The following DPP10 variants were observed in gnomAD, a reference collection of about 807,000 sequenced individuals.
DPP10 encodes the protein inactive dipeptidyl peptidase 10.
A neutral mutation model predicts 120.9 loss-of-function variants in DPP10; 33 were observed. The ratio of observed to expected loss-of-function variants is 0.27; its 90% CI spans 0.21 to 0.37. The LOEUF is 0.37. Among genes scored for constraint, DPP10 ranks in the 10% least tolerant of loss-of-function variants. DPP10 has a pLI of 1.00. For synonymous variants in DPP10, 337 were observed against 326.1 expected, an observed-to-expected ratio of 1.03 and a Z score of -0.36; for missense variants, 816 against 942.8, an observed-to-expected ratio of 0.87 and a Z score of 1.76.
At position 115,766,474 on chromosome 2, in the gene DPP10, A is replaced by G. The variant is rs113577641; in HGVS notation, c.1114-1823A>G. ...TATGTACATATGTACATACATTCAT[A>G]TACATATTTTGCCATTAAGAGTAAT... is the stretch of plus-strand genomic sequence containing the variant. On this transcript the variant is annotated intron_variant, in intron 12 of 25. Coordinates refer to ENST00000410059, the MANE Select transcript of DPP10 (RefSeq NM_020868.6). 3.4e-3 allele frequency among the ~76,000 whole-genome samples: 520 copies of G among 151,542 alleles called. 3 individuals carry two copies. Among genetic ancestry groups the G allele is most frequent in the African/African-American group, 0.012 (491 of 41,346 alleles).
intron 1 of DPP10, among the ~76,000 whole-genome samples, chr2:114,484,429 T>C (rs912298269): frequency 6.6e-6 from 1 of 152,166 alleles, no homozygotes; most frequent in Non-Finnish European, 1.5e-5. Flanking sequence ...ATTAATCAGT[T>C]CTTACTATTA....
intron 3 of DPP10, among the ~76,000 whole-genome samples, chr2:115,415,615 T>C (rs767886410): frequency 8.6e-5 from 13 of 151,968 alleles, no homozygotes; most frequent in Non-Finnish European, 1.5e-4. Context: ...TACCAAGATT[T>C]CTATCAACTG....
intron 1 of DPP10, among the ~76,000 whole-genome samples, chr2:115,178,023 A>G (rs982085634): frequency 1.3e-5 from 2 of 152,184 alleles, no homozygotes; most frequent in Non-Finnish European, 2.9e-5. Context: ...TCGGCCTCCC[A>G]AAGTGACATT....
chr2:115,399,284 G>A (rs2067895612), intron 3 of DPP10, among the ~76,000 whole-genome samples: 1 of 151,990 alleles, frequency 6.6e-6, no homozygotes, highest in Non-Finnish European at 1.5e-5. Flanking sequence ...AGTATTGGGT[G>A]GATAATTATT....
chr2:115,461,687 A>C (rs843426), intron 3 of DPP10, among the ~76,000 whole-genome samples: 125,899 of 152,086 alleles, frequency 0.83, 55,179 homozygotes, highest in Non-Finnish European at 0.97. Context: ...TAAGGATTAG[A>C]AAATAAATAA....
At chr2:114,826,603 T>C (rs759951613) in intron 1 of DPP10, among the ~76,000 whole-genome samples, 15 of 152,146 alleles carry the variant, frequency 9.9e-5, no homozygotes, top group African/African-American at 2.4e-4. Flanking sequence ...TGACCTCAGC[T>C]CCCTGCAACC....
intron 1 of DPP10, among the ~76,000 whole-genome samples, chr2:114,557,636 T>C (rs1268789223): frequency 6.6e-6 from 1 of 152,118 alleles, no homozygotes; most frequent in Non-Finnish European, 1.5e-5. Context: ...TGTCCAGAGA[T>C]TGGAGAGTAG....
intron 11 of DPP10, among the ~76,000 whole-genome samples, chr2:115,757,119 A>G (rs1190824878): frequency 6.6e-6 from 1 of 152,016 alleles, no homozygotes; most frequent in Non-Finnish European, 1.5e-5. Flanking sequence ...CATTCTTTCT[A>G]AGGAGTATAT....
chr2:115,736,730 T>A (rs1676559438), intron 8 of DPP10, among the ~76,000 whole-genome samples: 1 of 152,158 alleles, frequency 6.6e-6, no homozygotes. Flanking sequence ...CCCTGAGAAG[T>A]GATCCTATGT....
At chr2:115,731,433 G>A (rs1037140657) in intron 8 of DPP10, among the ~76,000 whole-genome samples, 1 of 151,068 alleles carries the variant, frequency 6.6e-6, no homozygotes, top group African/African-American at 2.4e-5. Context: ...AAGCTGAGGT[G>A]GGAGGATCAC....
chr2:114,876,885 A>G (rs139119388), intron 1 of DPP10, among the ~76,000 whole-genome samples: 60 of 152,202 alleles, frequency 3.9e-4, no homozygotes, highest in African/African-American at 1.4e-3. Flanking sequence ...ATGAAGGAAA[A>G]ATATGACCCT....
chr2:115,226,074 T>C (rs2057420278), intron 1 of DPP10, among the ~76,000 whole-genome samples: 5 of 147,940 alleles, frequency 3.4e-5, no homozygotes. Flanking sequence ...ATTTTACTTA[T>C]ACTTTAACAT....
chr2:115,794,012 A>G (rs978923540), intron 19 of DPP10, among the ~76,000 whole-genome samples: 2 of 152,184 alleles, frequency 1.3e-5, no homozygotes, highest in Non-Finnish European at 1.5e-5. Flanking sequence ...ATTTAAAGCC[A>G]TATTTTTTCT....
intron 1 of DPP10, among the ~76,000 whole-genome samples, chr2:115,058,274 G>A (rs1189074884): frequency 3.2e-4 from 5 of 15,438 alleles, no homozygotes; most frequent in African/African-American, 1.5e-3. Flanking sequence ...ATCATAAAGG[G>A]ACAAAAAAAA....
At chr2:115,265,721 G>A (rs1181999875) in intron 1 of DPP10, among the ~76,000 whole-genome samples, 1 of 152,100 alleles carries the variant, frequency 6.6e-6, no homozygotes, top group Non-Finnish European at 1.5e-5. Context: ...GAAAGGGGCA[G>A]CTACACATAT....
At chr2:115,767,534 A>G (rs1680926365) in intron 12 of DPP10, among the ~76,000 whole-genome samples, 1 of 151,666 alleles carries the variant, frequency 6.6e-6, no homozygotes, top group Admixed American at 6.6e-5. Context: ...ATACATAAAT[A>G]TATATAGTGT....
At chr2:115,831,133 T>G (rs915455552) in intron 21 of DPP10, among the ~76,000 whole-genome samples, 13 of 152,366 alleles carry the variant, frequency 8.5e-5, no homozygotes, top group South Asian at 6.2e-4. Flanking sequence ...GTAATAAAAT[T>G]TATCTTGTAT....
At chr2:115,690,038 T>G in intron 7 of DPP10, 117 bp downstream of exon 7, 1 of 890,094 alleles carries the variant, frequency 1.1e-6, no homozygotes, top group African/African-American at 1.7e-5. Flanking sequence ...TATGTTTCCC[T>G]AAGTCCTTTA....
At chr2:115,577,776 C>T (rs1212254446) in intron 5 of DPP10, among the ~76,000 whole-genome samples, 1 of 152,048 alleles carries the variant, frequency 6.6e-6, no homozygotes, top group African/African-American at 2.4e-5. Flanking sequence ...TCCCTTTTTG[C>T]AGGTATGTGT....
Sources: allele counts gnomAD v4.1 joint callset (sites outside exome capture counted in the v4.1 genomes callset), GRCh38; gene constraint gnomAD v4.1.1; transcripts MANE v1.5; gene names NCBI Gene and HGNC (gene_info 2026-07-23, HGNC 2026-07-21).